Variants in BRSK2 observed in about 807,000 individuals in gnomAD.
The protein encoded by BRSK2 is serine/threonine-protein kinase BRSK2.
BRSK2 carries 19 observed loss-of-function variants against 83.3 expected under a neutral mutation model. That is an observed-to-expected ratio of 0.23 (90% CI 0.16 to 0.33). The LOEUF (loss-of-function observed/expected upper bound fraction) is 0.33. Among genes scored for constraint, BRSK2 ranks in the 10% least tolerant of loss-of-function variants. The probability of loss-of-function intolerance (pLI) is 1.00; values close to 1 mark genes in which losing one functional copy is unlikely to be tolerated. For synonymous variants in BRSK2, 519 were observed against 435.4 expected (o/e 1.19, Z -2.39); for missense variants, 798 against 1,042.3 (o/e 0.77, Z 3.23).
chr11:1,459,334 C>G (rs375874956), intron 19 of BRSK2, 95 bp downstream of exon 19: 4 of 1,440,240 alleles, frequency 2.8e-6, no homozygotes, highest in Non-Finnish European at 3.9e-6. Flanking sequence ...CGGGTTGTCC[C>G]GGCCTCCCTG....
chr11:1,456,176 C>T (rs1354778965), intron 16 of BRSK2, among the ~76,000 whole-genome samples, 172 bp from the exon 17 acceptor site: 3 of 152,130 alleles, frequency 2.0e-5, no homozygotes, highest in Non-Finnish European at 4.4e-5. Flanking sequence ...TGGAAACGCC[C>T]CTCCCCCTGC....
intron 1 of BRSK2, among the ~76,000 whole-genome samples, chr11:1,391,973 G>A (rs1346007464): frequency 6.6e-6 from 1 of 152,142 alleles, no homozygotes; most frequent in Admixed American, 6.5e-5. Flanking sequence ...CAAAAGGATG[G>A]GCTGTGTGTG....
chr11:1,461,166 G>T lies in BRSK2; in HGVS notation c.*443G>T. On this transcript the variant is annotated 3_prime_UTR_variant, in exon 20 of 20. Coordinates refer to ENST00000528841, the MANE Select transcript of BRSK2 (RefSeq NM_001256627.2). ...CGTGGGAGGAAGGCCAGGCTCGGGG[G>T]AGCCTCCTCCAGCCCGGCCGACCCG... is the stretch of plus-strand genomic sequence containing the variant. The T allele has an allele frequency of 1.0e-6, 1 of 984,992 alleles. No homozygotes were observed. Among genetic ancestry groups the T allele is most frequent in the Non-Finnish European group, 1.4e-6 (1 of 693,446 alleles). 61.0% of individuals were successfully genotyped at this position (984,992 alleles called of 1,614,324 possible). A position where few individuals can be genotyped will look rare whatever the true frequency, so the allele number is the denominator to read the frequency against.
chr11:1,452,417 G>A (rs903503725), intron 15 of BRSK2, among the ~76,000 whole-genome samples: 4 of 152,236 alleles, frequency 2.6e-5, no homozygotes, highest in Admixed American at 1.3e-4. Context: ...TGACATTGCC[G>A]TTTCTGCTGC....
At chr11:1,400,462 G>C (rs926205268) in intron 1 of BRSK2, among the ~76,000 whole-genome samples, 4 of 152,152 alleles carry the variant, frequency 2.6e-5, no homozygotes, top group Admixed American at 6.5e-5. Context: ...CCCTGACCCT[G>C]GGCAGTGACC....
intron 1 of BRSK2, among the ~76,000 whole-genome samples, chr11:1,404,102 C>G (rs1213591248): frequency 6.6e-6 from 1 of 152,218 alleles, no homozygotes; most frequent in African/African-American, 2.4e-5. Context: ...AGAGCCAGCA[C>G]CCTCTCCACT....
intron 12 of BRSK2, among the ~76,000 whole-genome samples, chr11:1,448,285 G>T (rs1168797849): frequency 6.6e-6 from 1 of 152,162 alleles, no homozygotes; most frequent in Non-Finnish European, 1.5e-5. Flanking sequence ...GTCAAGAGGG[G>T]CCTCTACCTG....
intron 1 of BRSK2, among the ~76,000 whole-genome samples, chr11:1,424,260 G>A (rs1430619090): frequency 3.3e-5 from 5 of 152,260 alleles, no homozygotes; most frequent in Admixed American, 1.3e-4. Flanking sequence ...CCGGCCAGGC[G>A]GAGGGAGGTC....
rs4079662 is a variant in BRSK2, at chr11:1,390,763, C to T, written c.91+388C>T. 2.7e-3 allele frequency among the ~76,000 whole-genome samples: 410 copies of T among 151,934 alleles called. 1 individual carries two copies. The highest frequency in any genetic ancestry group is 9.4e-3 in the African/African-American group (390 of 41,490). ...GCGGGCGCCCATCTGCCGTCTGCCG[C>T]GGCCGCGCTAATAGGCGTGCTGCCC... On this transcript the variant is annotated intron_variant, in intron 1 of 19. Transcript: ENST00000528841. The surrounding 1 kb of genome is among the most constrained non-coding windows in gnomAD (Gnocchi z 6.8).
intron 18 of BRSK2, among the ~76,000 whole-genome samples, chr11:1,457,462 G>T (rs1238430461): frequency 6.6e-6 from 1 of 152,154 alleles, no homozygotes; most frequent in Non-Finnish European, 1.5e-5. Flanking sequence ...CCGAGGGTCC[G>T]TGCCACTCGG....
rs1226112088 is a variant in BRSK2 at position 1,390,977 on chromosome 11, C to T, written c.91+602C>T. ...GTCTGTGACCTGCATTCCCACGGGG[C>T]AGGGAGAGGCCATTGGTGCTGGGAC... On this transcript the variant is annotated intron_variant, in intron 1 of 19. Transcript: ENST00000528841. The surrounding 1 kb of genome is among the most constrained non-coding windows in gnomAD (Gnocchi z 6.8). Among the ~76,000 whole-genome samples the T allele has an allele frequency of 1.3e-5, 2 of 152,158 alleles. No individual in the cohort carries two copies. The highest frequency in any genetic ancestry group is 4.8e-5 in the African/African-American group (2 of 41,454).
intron 1 of BRSK2, among the ~76,000 whole-genome samples, chr11:1,396,659 C>G (rs1378585499): frequency 6.6e-6 from 1 of 152,242 alleles, no homozygotes. Flanking sequence ...CTGTGCCTTC[C>G]AGTCCTCACT....
intron 1 of BRSK2, among the ~76,000 whole-genome samples, chr11:1,400,184 T>C (rs1002027242): frequency 6.6e-6 from 1 of 152,222 alleles, no homozygotes; most frequent in African/African-American, 2.4e-5. Flanking sequence ...CCAGTCTCCC[T>C]GCAGGAGGGA....
At chr11:1,410,975 C>G in intron 1 of BRSK2, 15 of 985,018 alleles carry the variant, frequency 1.5e-5, no homozygotes, top group South Asian at 4.7e-5. Context: ...CCCAGGGCCC[C>G]GCTGAGGGGG....
intron 1 of BRSK2, chr11:1,410,511 C>G (rs756369001): frequency 4.9e-5 from 48 of 985,514 alleles, no homozygotes; most frequent in Non-Finnish European, 5.8e-5. Context: ...GGCCCGCAGA[C>G]TTCGGTGCTT....
rs1157962578 is a variant in BRSK2 at position 1,454,700 on chromosome 11, A to G, written c.1668+92A>G. 7.3e-6 allele frequency: 11 copies of G among 1,497,180 alleles called. No individual in the cohort carries two copies. Among genetic ancestry groups the G allele is most frequent in the Non-Finnish European group, 1.0e-5 (11 of 1,096,750 alleles). The allele number at this position is 1,497,180 out of a possible 1,614,324, so 92.7% of individuals were successfully genotyped here. The stretch of plus-strand genomic sequence containing the variant: ...TCCAGCCTCCTCACGTAGACAGGAC[A>G]TGTCCACGCGCACAGCACGGACGTC... On this transcript the variant is annotated intron_variant, in intron 16 of 19. Coordinates refer to ENST00000528841, the MANE Select transcript of BRSK2 (RefSeq NM_001256627.2). This position sits in a 1 kb window ranked among gnomAD's most constrained non-coding sequence, Gnocchi z 5.2.
intron 1 of BRSK2, chr11:1,411,776 T>C: frequency 8.0e-7 from 1 of 1,243,898 alleles, no homozygotes; most frequent in Non-Finnish European, 1.1e-6. Flanking sequence ...GCTGTGCGGG[T>C]TCCTACGCTG....
chr11:1,459,172 C>T lies in BRSK2; in HGVS notation c.1940-20C>T, dbSNP rs1564891492. On this transcript the variant is annotated intron_variant, in intron 18 of 19. Transcript: ENST00000528841. ...GCCTTTCACTCACTCCCTCCCTCCT[C>T]TCTCCATTCTGTACTCCAGACACCA... 6.2e-7 allele frequency: 1 copy of T among 1,613,340 alleles called. No individual in the cohort carries two copies. The highest frequency in any genetic ancestry group is 1.1e-5 in the South Asian group (1 of 91,050).
At chr11:1,428,870 G>C (rs1342118330) in intron 1 of BRSK2, among the ~76,000 whole-genome samples, 1 of 151,914 alleles carries the variant, frequency 6.6e-6, no homozygotes, top group Non-Finnish European at 1.5e-5. Context: ...GTGTGTGCAT[G>C]GGTGTGTGCA....
Sources: allele counts gnomAD v4.1 joint callset (sites outside exome capture counted in the v4.1 genomes callset), GRCh38; gene constraint gnomAD v4.1.1; non-coding constraint Gnocchi (gnomAD v3.1); transcripts MANE v1.5; gene names NCBI Gene and HGNC (gene_info 2026-07-23, HGNC 2026-07-21).